The following RBFOX1 variants were observed in gnomAD, a reference collection of about 807,000 sequenced individuals.
The protein encoded by RBFOX1 is RNA binding protein fox-1 homolog 1.
RBFOX1 carries 8 observed loss-of-function variants against 57.7 expected under a neutral mutation model. That is an observed-to-expected ratio of 0.14 (90% CI 0.08 to 0.25). The LOEUF is 0.25. Among genes scored for constraint, RBFOX1 ranks in the 10% least tolerant of loss-of-function variants. RBFOX1 has a pLI of 1.00. For synonymous variants in RBFOX1, 326 were observed against 222.4 expected (o/e 1.47, Z -4.15); for missense variants, 611 against 548.5 (o/e 1.11, Z -1.14).
At chr16:6,980,149 C>T (rs1453419539) in intron 3 of RBFOX1, among the ~76,000 whole-genome samples, 1 of 152,190 alleles carries the variant, frequency 6.6e-6, no homozygotes, top group Admixed American at 6.5e-5. Flanking sequence ...CTTAATCCCT[C>T]TTCAATTAAG....
chr16:5,570,534 A>T (rs569977954), intron 2 of RBFOX1, among the ~76,000 whole-genome samples: 29 of 152,226 alleles, frequency 1.9e-4, no homozygotes, highest in African/African-American at 6.7e-4. Context: ...GCACAAACGA[A>T]TCTTGGGCAT....
At chr16:5,582,819 A>G (rs79594373) in intron 2 of RBFOX1, among the ~76,000 whole-genome samples, 5,180 of 152,224 alleles carry the variant, frequency 0.034, 281 homozygotes, top group African/African-American at 0.11. Context: ...CCCCAAGTGC[A>G]GAAGGCAGAA....
chr16:6,553,870 T>C (rs2097042348), intron 2 of RBFOX1, among the ~76,000 whole-genome samples: 2 of 152,112 alleles, frequency 1.3e-5, no homozygotes, highest in Non-Finnish European at 2.9e-5. Context: ...TCCTTGGACT[T>C]ACCTTCCTGG....
chr16:7,373,709 T>C (rs913703818), intron 4 of RBFOX1, among the ~76,000 whole-genome samples: 4 of 152,236 alleles, frequency 2.6e-5, no homozygotes, highest in Non-Finnish European at 4.4e-5. Context: ...GTTATTGAAG[T>C]TGATCATTGC....
chr16:6,321,413 A>T (rs1406429168), intron 2 of RBFOX1, among the ~76,000 whole-genome samples: 1 of 152,112 alleles, frequency 6.6e-6, no homozygotes, highest in Non-Finnish European at 1.5e-5. Context: ...CTGACTGATA[A>T]ATTGCTACTG....
chr16:5,490,506 C>A (rs1412012737), intron 2 of RBFOX1, among the ~76,000 whole-genome samples: 3 of 152,208 alleles, frequency 2.0e-5, no homozygotes, highest in African/African-American at 7.2e-5. Flanking sequence ...ATCCGGAGCC[C>A]TTTCAGGGAG....
chr16:6,969,947 C>T (rs1016475161), intron 3 of RBFOX1, among the ~76,000 whole-genome samples: 1 of 151,894 alleles, frequency 6.6e-6, no homozygotes, highest in Non-Finnish European at 1.5e-5. Context: ...AGAAATGTCA[C>T]ACAATAAGGA....
chr16:6,859,130 C>CATATATATATGT (rs2058472373), intron 3 of RBFOX1, among the ~76,000 whole-genome samples: 1 of 82,480 alleles, frequency 1.2e-5, no homozygotes, highest in South Asian at 4.2e-4. Flanking sequence ...TATATATATA[C>CATATATATATGT]ATATATATAC....
At chr16:6,462,252 G>T (rs956798436) in intron 2 of RBFOX1, among the ~76,000 whole-genome samples, 23 of 152,222 alleles carry the variant, frequency 1.5e-4, no homozygotes, top group African/African-American at 5.5e-4. Context: ...GGGAGGGGCA[G>T]AATTTCCATT....
rs556626910 is a variant in RBFOX1, at chr16:6,048,628, A to G, written c.-127+28636A>G. On this transcript the variant is annotated intron_variant, in intron 1 of 15. Coordinates refer to ENST00000550418, the MANE Select transcript of RBFOX1 (RefSeq NM_018723.4). ...CTGCAGAAAATTTTATTTCCAGCAA[A>G]CCCTTAAAATTTAGCTCGCTTTTAA... Among the ~76,000 whole-genome samples, 4 of 152,260 alleles carry G rather than the reference A, an allele frequency of 2.6e-5. No homozygotes were observed. In the South Asian group the frequency reaches 8.3e-4, roughly 32 times the overall value.
At chr16:6,926,792 C>T (rs919294499) in intron 3 of RBFOX1, among the ~76,000 whole-genome samples, 1 of 152,142 alleles carries the variant, frequency 6.6e-6, no homozygotes, top group Non-Finnish European at 1.5e-5. Context: ...CTCTTGAGTT[C>T]TTAAAATTAT....
rs1429394185 is a variant in RBFOX1, at chr16:5,475,694, C to G, written c.258+8440C>G. The stretch of plus-strand genomic sequence containing the variant: ...GTGAGGAGCCAGTCCTTTGCTTCCA[C>G]TGTTTAAATGGTGAAGGTGAGTCTT... On this transcript the variant is annotated intron_variant, in intron 2 of 2. Coordinates refer to the RBFOX1 transcript ENST00000585867. 3.3e-5 allele frequency among the ~76,000 whole-genome samples: 5 copies of G among 152,358 alleles called. No homozygotes were observed. In the East Asian group the frequency reaches 9.6e-4, roughly 29 times the overall value.
intron 4 of RBFOX1, among the ~76,000 whole-genome samples, chr16:5,900,842 C>T (rs1009703846): frequency 2.0e-5 from 3 of 152,164 alleles, no homozygotes; most frequent in African/African-American, 4.8e-5. Context: ...GCAGGAGCTC[C>T]CTCCCGGCCC....
chr16:6,542,735 G>A (rs899490237), intron 2 of RBFOX1, among the ~76,000 whole-genome samples: 1 of 148,724 alleles, frequency 6.7e-6, no homozygotes, highest in African/African-American at 2.5e-5. Flanking sequence ...CTCGTGATCT[G>A]CCTGCCTCGG....
intron 5 of RBFOX1, among the ~76,000 whole-genome samples, chr16:7,518,694 G>GA (rs150887698): frequency 4.5e-4 from 67 of 149,586 alleles, no homozygotes; most frequent in African/African-American, 1.3e-3. Flanking sequence ...CATTTTTTTG[G>GA]AAAAAAAAAA....
At chr16:7,659,423 A>C (rs1258173878) in intron 12 of RBFOX1, among the ~76,000 whole-genome samples, 1 of 152,162 alleles carries the variant, frequency 6.6e-6, no homozygotes, top group Non-Finnish European at 1.5e-5. Context: ...GATGCTTAGG[A>C]ACTGTATTTA....
intron 3 of RBFOX1, among the ~76,000 whole-genome samples, chr16:6,828,179 C>T (rs1441089646): frequency 1.3e-5 from 2 of 152,104 alleles, no homozygotes; most frequent in East Asian, 3.9e-4. Context: ...GATGGAGTCT[C>T]AGCACTTCCC....
In RBFOX1 at chr16:6,564,475, CAAACAAAAAT is replaced by C. The variant is rs1422965811; in HGVS notation, c.-63-90120_-63-90111del. ...ACTCTGTCTCAAAAACAAACAAAAA[CAAACAAAAAT>C]AAACAAACAAACACATGGGTAAACC... On this transcript the variant is annotated intron_variant, in intron 2 of 15. Transcript: ENST00000550418. Among the ~76,000 whole-genome samples, 70 of 151,876 alleles carry C rather than the reference CAAACAAAAAT, an allele frequency of 4.6e-4. 1 individual carries two copies. Among genetic ancestry groups the C allele is most frequent in the East Asian group, 2.1e-3 (11 of 5,142 alleles).
At chr16:7,237,701 C>T (rs933415213) in intron 4 of RBFOX1, among the ~76,000 whole-genome samples, 1 of 152,162 alleles carries the variant, frequency 6.6e-6, no homozygotes, top group African/African-American at 2.4e-5. Context: ...ATTATTCAGC[C>T]TTAGAAATGA....
Sources: gnomAD v4.1 joint callset for allele counts (sites outside exome capture counted in the v4.1 genomes callset) on GRCh38, gnomAD v4.1.1 for gene constraint, MANE v1.5 for transcripts, NCBI Gene and HGNC (gene_info 2026-07-23, HGNC 2026-07-21) for gene names.